FAM107B: variants seen among roughly 807,000 people sequenced by gnomAD.
FAM107B encodes protein FAM107B.
In FAM107B, 21 loss-of-function variants were observed where a neutral mutation model predicts 31.5. That is an observed-to-expected ratio of 0.67 (90% CI 0.47 to 0.96). The LOEUF (loss-of-function observed/expected upper bound fraction) is 0.96, where lower values mean the gene tolerates loss of function less well. Ranked by LOEUF, FAM107B falls within the 40% of genes least tolerant of loss-of-function variation. The probability of loss-of-function intolerance (pLI) is 0.00; values close to 1 mark genes in which losing one functional copy is unlikely to be tolerated. For missense variants in FAM107B, 452 were observed against 377.1 expected, an observed-to-expected ratio of 1.20 and a Z score of -1.64; for synonymous variants, 157 against 141.5, an observed-to-expected ratio of 1.11 and a Z score of -0.78.
intron 2 of FAM107B, among the ~76,000 whole-genome samples, chr10:14,543,965 C>A (rs1295968122): frequency 6.6e-6 from 1 of 152,114 alleles, no homozygotes; most frequent in Non-Finnish European, 1.5e-5. Context: ...TTCACTCACC[C>A]CTGTTCCCAA....
At position 14,521,136 on chromosome 10, in the gene FAM107B, G is replaced by T; in HGVS notation, c.*54C>A. On this transcript the variant is annotated 3_prime_UTR_variant, in exon 5 of 5. Coordinates refer to ENST00000181796, the MANE Select transcript of FAM107B (RefSeq NM_031453.4). ...GGGCTTTTGCCCTGAGATTGAGAAGGCACCCACAGACAGCTCTGTGGGGTG... is the reference window on the plus strand; with the variant it reads ...GGGCTTTTGCCCTGAGATTGAGAAGTCACCCACAGACAGCTCTGTGGGGTG... The T allele has an allele frequency of 7.4e-7, 1 of 1,345,730 alleles. No homozygotes were observed. The highest frequency in any genetic ancestry group is 1.0e-6 in the Non-Finnish European group (1 of 958,416). The allele number at this position is 1,345,730 out of a possible 1,614,324, so 83.4% of individuals were successfully genotyped here.
chr10:14,679,204 A>C (rs1179192351), intron 1 of FAM107B, among the ~76,000 whole-genome samples: 1 of 152,030 alleles, frequency 6.6e-6, no homozygotes, highest in African/African-American at 2.4e-5. Flanking sequence ...ATCATAGCTC[A>C]TTGCAGCCTT....
chr10:14,758,126 C>T lies in FAM107B; in HGVS notation c.411+16127G>A, dbSNP rs115413326. 1.2e-3 allele frequency among the ~76,000 whole-genome samples: 185 copies of T among 152,280 alleles called. 1 individual carries two copies. Among genetic ancestry groups the T allele is most frequent in the African/African-American group, 4.4e-3 (181 of 41,562 alleles). ...AGGAGATTTGACAAGGCATCACTTA[C>T]AGATTGTGAAAGAGTAATTTAAAAA... On this transcript the variant is annotated intron_variant, in intron 1 of 4. Transcript: ENST00000181796.
intron 1 of FAM107B, among the ~76,000 whole-genome samples, chr10:14,726,934 T>C (rs1055685887): frequency 1.3e-5 from 2 of 152,046 alleles, no homozygotes; most frequent in Non-Finnish European, 2.9e-5. Context: ...CAACTCAACA[T>C]AATGTAGAAA....
Position 14,696,936 on chromosome 10 carries a change from T to C in FAM107B, c.412-29245A>G, listed in dbSNP as rs115731278. Among the ~76,000 whole-genome samples the C allele has an allele frequency of 7.9e-3, 1,201 of 152,284 alleles. 12 individuals carry two copies. The highest frequency in any genetic ancestry group is 0.026 in the African/African-American group (1,073 of 41,552). ...GTGTCAAAGGTCTGCTCCTCTCTGT[T>C]CTGTTTACTGTGGCCCTGAATCAAC... On this transcript the variant is annotated intron_variant, in intron 1 of 4. Transcript: ENST00000181796.
chr10:14,571,541 GA>G (rs1377675544), intron 2 of FAM107B, among the ~76,000 whole-genome samples: 2 of 150,514 alleles, frequency 1.3e-5, no homozygotes, highest in African/African-American at 2.4e-5. Context: ...GAAATTTTAG[GA>G]AAAAAAAATA....
At chr10:14,769,425 C>T (rs1168419928) in intron 1 of FAM107B, among the ~76,000 whole-genome samples, 1 of 152,164 alleles carries the variant, frequency 6.6e-6, no homozygotes, top group African/African-American at 2.4e-5. Flanking sequence ...CATTCTGTCA[C>T]CCAAGCTGGA....
intron 2 of FAM107B, among the ~76,000 whole-genome samples, chr10:14,548,982 T>A (rs1848996594): frequency 6.6e-6 from 1 of 152,142 alleles, no homozygotes; most frequent in Non-Finnish European, 1.5e-5. Context: ...CATGATGGGA[T>A]CAGTGTCCTT....
intron 1 of FAM107B, chr10:14,723,361 A>C (rs1855957292): frequency 3.7e-6 from 2 of 546,442 alleles, no homozygotes; most frequent in African/African-American, 3.8e-5. Flanking sequence ...GTGCTGGAGC[A>C]GTCGATTTGC....
intron 1 of FAM107B, among the ~76,000 whole-genome samples, chr10:14,729,405 C>T (rs1367484116): frequency 2.6e-5 from 4 of 152,152 alleles, no homozygotes; most frequent in African/African-American, 9.7e-5. Context: ...TTAATTAAAC[C>T]TTTGCTAGAT....
intron 3 of FAM107B, 74 bp from the exon 4 acceptor site, chr10:14,522,093 T>C: frequency 6.5e-7 from 1 of 1,543,932 alleles, no homozygotes; most frequent in Non-Finnish European, 8.7e-7. Context: ...AAATTTAACT[T>C]ACAATATCAA....
chr10:14,527,748 A>C (rs1846449954), intron 3 of FAM107B, among the ~76,000 whole-genome samples: 1 of 152,238 alleles, frequency 6.6e-6, no homozygotes, highest in Non-Finnish European at 1.5e-5. Context: ...CCATGCAGTA[A>C]TCAAGACTGG....
At chr10:14,734,559 C>A (rs1249282172) in intron 1 of FAM107B, among the ~76,000 whole-genome samples, 1 of 148,948 alleles carries the variant, frequency 6.7e-6, no homozygotes, top group Non-Finnish European at 1.5e-5. Flanking sequence ...CAAGATAATT[C>A]CTTTTCTTCT....
At position 14,560,608 on chromosome 10, in the gene FAM107B, C is replaced by T. The variant is rs3740119; in HGVS notation, c.470-30093G>A. Among the ~76,000 whole-genome samples the T allele has an allele frequency of 2.6e-5, 4 of 152,296 alleles. No individual in the cohort carries two copies. The East Asian group carries it at 7.7e-4, about 29-fold the overall frequency. On this transcript the variant is annotated intron_variant, in intron 2 of 4. Transcript: ENST00000181796. ...GTCGATGGAAGGCTCGGAAGTCAGACATGGCTCACCTGCGACAGGGGCCTC... is the reference window on the plus strand; with the variant it reads ...GTCGATGGAAGGCTCGGAAGTCAGATATGGCTCACCTGCGACAGGGGCCTC...
chr10:14,709,110 T>G lies in FAM107B; in HGVS notation c.412-41419A>C, dbSNP rs118187134. Among the ~76,000 whole-genome samples, 740 of 152,314 alleles carry G rather than the reference T, an allele frequency of 4.9e-3. 5 individuals are homozygous for G. Among genetic ancestry groups the G allele is most frequent in the Non-Finnish European group, 8.0e-3 (543 of 68,032 alleles). ...TCTTTACTGGTGAAATACAAAATGGTGCAGCCACTTTGGAAGACAGTTTGG... is the reference window on the plus strand; with the variant it reads ...TCTTTACTGGTGAAATACAAAATGGGGCAGCCACTTTGGAAGACAGTTTGG... On this transcript the variant is annotated intron_variant, in intron 1 of 4. Transcript: ENST00000181796.
At chr10:14,774,130 G>A in intron 1 of FAM107B, 123 bp downstream of exon 1, 1 of 1,216,424 alleles carries the variant, frequency 8.2e-7, no homozygotes, top group Non-Finnish European at 1.1e-6. Context: ...GCACTAGTGA[G>A]AACGCCCGCA....
At chr10:14,750,500 T>C (rs950619368) in intron 1 of FAM107B, among the ~76,000 whole-genome samples, 1 of 152,084 alleles carries the variant, frequency 6.6e-6, no homozygotes, top group Non-Finnish European at 1.5e-5. Flanking sequence ...TAATCCCAGC[T>C]ACTCGGGAGC....
At chr10:14,534,819 C>T (rs748515400) in intron 2 of FAM107B, 2 of 152,262 alleles carry the variant, frequency 1.3e-5, no homozygotes, top group South Asian at 4.1e-4. Context: ...CCTCTCTTCA[C>T]TGCAAAGAAC....
At chr10:14,727,267 C>G (rs1326170128) in intron 1 of FAM107B, among the ~76,000 whole-genome samples, 3 of 152,176 alleles carry the variant, frequency 2.0e-5, no homozygotes, top group African/African-American at 7.2e-5. Flanking sequence ...GTACATGGCC[C>G]AGGAGTTGGG....
Sources: gnomAD v4.1 joint callset for allele counts (sites outside exome capture counted in the v4.1 genomes callset) on GRCh38, gnomAD v4.1.1 for gene constraint, MANE v1.5 for transcripts, NCBI Gene and HGNC (gene_info 2026-07-23, HGNC 2026-07-21) for gene names.